The following COL25A1 variants were observed in gnomAD, a reference collection of about 807,000 sequenced individuals.
COL25A1 encodes the protein collagen alpha-1(XXV) chain.
A neutral mutation model predicts 128.4 loss-of-function variants in COL25A1; 103 were observed. That is an observed-to-expected ratio of 0.80 (90% CI 0.68 to 0.94). COL25A1 has a LOEUF of 0.94. Ranked by LOEUF, COL25A1 falls within the 40% of genes least tolerant of loss-of-function variation. The pLI, the probability that COL25A1 is intolerant of heterozygous loss-of-function variation, is 0.00. For missense variants in COL25A1, 745 were observed against 840.0 expected, an observed-to-expected ratio of 0.89 and a Z score of 1.40; for synonymous variants, 279 against 277.2, an observed-to-expected ratio of 1.01 and a Z score of -0.06.
rs539916109 is a variant in COL25A1, at chr4:108,823,708, A to G, written c.1845+466T>C. Among the ~76,000 whole-genome samples the G allele has an allele frequency of 1.2e-4, 18 of 152,254 alleles. No homozygotes were observed. In the South Asian group the frequency reaches 3.7e-3, roughly 32 times the overall value. On this transcript the variant is annotated intron_variant, in intron 35 of 37. Transcript: ENST00000399132. ...GAACTTACTGTAGTTTATCAGTCAC[A>G]CTGCTTCTCCTCCATTTTCATATAA...
intron 11 of COL25A1, among the ~76,000 whole-genome samples, chr4:108,930,057 G>A (rs1704657582): frequency 1.3e-5 from 2 of 152,066 alleles, no homozygotes; most frequent in Admixed American, 1.3e-4. Context: ...TATATGATGT[G>A]ACAAATGCTG....
At chr4:109,067,596 A>C (rs1283583131) in intron 3 of COL25A1, among the ~76,000 whole-genome samples, 2 of 152,186 alleles carry the variant, frequency 1.3e-5, no homozygotes, top group Non-Finnish European at 2.9e-5. Flanking sequence ...ACAGTGGAAA[A>C]ATTTCTTTAC....
At chr4:109,097,002 C>T (rs1344602634) in intron 3 of COL25A1, among the ~76,000 whole-genome samples, 3 of 152,112 alleles carry the variant, frequency 2.0e-5, no homozygotes, top group Non-Finnish European at 4.4e-5. Context: ...GGAAACAGAA[C>T]AATAGGAAAA....
chr4:108,980,628 G>A (rs369533853), intron 6 of COL25A1, among the ~76,000 whole-genome samples: 5 of 152,320 alleles, frequency 3.3e-5, no homozygotes, highest in African/African-American at 7.2e-5. Context: ...AAGCAGCACA[G>A]AGGTAGTCAT....
At chr4:109,141,984 G>A (rs954845603) in intron 3 of COL25A1, among the ~76,000 whole-genome samples, 2 of 151,960 alleles carry the variant, frequency 1.3e-5, no homozygotes, top group African/African-American at 2.4e-5. Flanking sequence ...GAATTTATTT[G>A]CTCTTGCTTC....
At chr4:108,872,600 T>C (rs1455595161) in intron 19 of COL25A1, among the ~76,000 whole-genome samples, 2 of 152,158 alleles carry the variant, frequency 1.3e-5, no homozygotes, top group South Asian at 4.1e-4. Context: ...TTTCTTCATA[T>C]ACTTCAACGA....
chr4:109,053,442 A>G (rs1451824125), intron 3 of COL25A1, among the ~76,000 whole-genome samples: 2 of 152,196 alleles, frequency 1.3e-5, no homozygotes, highest in East Asian at 3.9e-4. Flanking sequence ...TGATGTATCC[A>G]CTTGAAAAGG....
chr4:109,147,920 G>C (rs1219352476), intron 3 of COL25A1, among the ~76,000 whole-genome samples: 1 of 152,050 alleles, frequency 6.6e-6, no homozygotes, highest in Non-Finnish European at 1.5e-5. Context: ...GCCAGGTTGA[G>C]AGAATAAATT....
chr4:109,009,350 T>A (rs946945594), intron 6 of COL25A1, among the ~76,000 whole-genome samples: 1 of 152,210 alleles, frequency 6.6e-6, no homozygotes, highest in Non-Finnish European at 1.5e-5. Flanking sequence ...TATAAGTTAA[T>A]TAAAAGTCAA....
chr4:109,019,375 C>CACAT (rs1338511772), intron 5 of COL25A1, among the ~76,000 whole-genome samples: 17 of 48,874 alleles, frequency 3.5e-4, no homozygotes, highest in Admixed American at 4.6e-4. Flanking sequence ...CACACACACA[C>CACAT]ATATATATAT....
At chr4:109,120,929 ACT>A (rs1768054805) in intron 3 of COL25A1, among the ~76,000 whole-genome samples, 1 of 152,046 alleles carries the variant, frequency 6.6e-6, no homozygotes, top group South Asian at 2.1e-4. Context: ...AAACTACAAA[ACT>A]CTGATGAAAG....
chr4:108,827,264 A>G, intron 32 of COL25A1, 76 bp from the exon 33 acceptor site: 8 of 1,238,444 alleles, frequency 6.5e-6, no homozygotes, highest in Non-Finnish European at 9.5e-6. Context: ...CCCTATGTCT[A>G]AAGCCTCTAT....
chr4:108,975,994 G>T (rs759395185), intron 6 of COL25A1, among the ~76,000 whole-genome samples: 3 of 151,966 alleles, frequency 2.0e-5, no homozygotes, highest in Non-Finnish European at 4.4e-5. Context: ...TTCCCACTTT[G>T]TTTACTGCCT....
rs368199862 is a variant in COL25A1, at chr4:109,242,850, C to T, written c.367+57733G>A. 1.0e-3 allele frequency among the ~76,000 whole-genome samples: 159 copies of T among 152,032 alleles called. 3 individuals carry two copies. The highest frequency in any genetic ancestry group is 3.6e-3 in the African/African-American group (151 of 41,492). On this transcript the variant is annotated intron_variant, in intron 3 of 37. Coordinates refer to ENST00000399132, the MANE Select transcript of COL25A1 (RefSeq NM_198721.4). Reference sequence around the variant, plus strand: ...ATGTTTTGATATACATAAGTGATTACCACAGTCAAGTCACTTAAGACATCC... The same window carrying T: ...ATGTTTTGATATACATAAGTGATTATCACAGTCAAGTCACTTAAGACATCC...
At chr4:109,208,797 G>A (rs1777249058) in intron 3 of COL25A1, among the ~76,000 whole-genome samples, 1 of 152,126 alleles carries the variant, frequency 6.6e-6, no homozygotes, top group Non-Finnish European at 1.5e-5. Flanking sequence ...AGTAGCATGT[G>A]ACACAACCAT....
chr4:108,947,450 AAAG>A lies in COL25A1; in HGVS notation c.493-6016_493-6014del, dbSNP rs1386145102. On this transcript the variant is annotated intron_variant, in intron 8 of 37. Transcript: ENST00000399132. ...AAAATGAAACTCCGTCTCAAAAAAAAAAGAAAAAGAAAAAGAAAGAAAAGAAAG... is the reference window on the plus strand; with the variant it reads ...AAAATGAAACTCCGTCTCAAAAAAAAAAAAAGAAAAAGAAAGAAAAGAAAG... Among the ~76,000 whole-genome samples, 47 of 150,926 alleles carry A rather than the reference AAAG, an allele frequency of 3.1e-4. No homozygotes were observed. The South Asian group carries it at 9.7e-3, about 31-fold the overall frequency.
intron 6 of COL25A1, among the ~76,000 whole-genome samples, chr4:108,986,365 C>G (rs1455912316): frequency 6.6e-6 from 1 of 152,148 alleles, no homozygotes; most frequent in Admixed American, 6.5e-5. Flanking sequence ...GGTCAACATA[C>G]CTTGACCTCC....
intron 3 of COL25A1, among the ~76,000 whole-genome samples, chr4:109,241,475 TACG>T (rs1298345283): frequency 6.6e-6 from 1 of 152,014 alleles, no homozygotes; most frequent in African/African-American, 2.4e-5. Flanking sequence ...CTAAAAATTC[TACG>T]AAGTCATATA....
At chr4:108,937,697 C>T in intron 11 of COL25A1, 111 bp downstream of exon 11, 1 of 872,662 alleles carries the variant, frequency 1.1e-6, no homozygotes, top group African/African-American at 1.7e-5. Flanking sequence ...TACTAATTTT[C>T]ACTTTTTTAT....
Sources: gnomAD v4.1 joint callset for allele counts (sites outside exome capture counted in the v4.1 genomes callset) on GRCh38, gnomAD v4.1.1 for gene constraint, MANE v1.5 for transcripts, NCBI Gene and HGNC (gene_info 2026-07-23, HGNC 2026-07-21) for gene names.